Variants in SIRPG observed in about 807,000 individuals in gnomAD.
SIRPG encodes the protein signal-regulatory protein gamma.
SIRPG carries 38 observed loss-of-function variants against 35.7 expected under a neutral mutation model. The observed-to-expected ratio is 1.06, with a 90% CI of 0.82 to 1.40. SIRPG has a LOEUF of 1.40. Ranked by LOEUF, SIRPG falls within the 40% of genes most tolerant of loss-of-function variation. SIRPG has a pLI of 0.00. For missense variants in SIRPG, 519 were observed against 483.0 expected, an observed-to-expected ratio of 1.07 and a Z score of -0.70; for synonymous variants, 215 against 190.4, an observed-to-expected ratio of 1.13 and a Z score of -1.06.
At chr20:1,685,610 T>C in the SIRPG span, among the ~76,000 whole-genome samples, 2 of 152,116 alleles carry the variant, frequency 1.3e-5, no homozygotes, top group Admixed American at 1.3e-4. Flanking sequence ...TGTAGTACTT[T>C]GTTATGCAAG....
chr20:1,638,819 G>A (rs780510232), intron 2 of SIRPG, among the ~76,000 whole-genome samples: 17 of 133,446 alleles, frequency 1.3e-4, no homozygotes, highest in Non-Finnish European at 2.3e-4. Flanking sequence ...CCCTCCCTGC[G>A]TCCATGTGTT....
In SIRPG at chr20:1,649,222, C is replaced by T; in HGVS notation, c.260G>A (p.Arg87Lys). 1 of 1,614,132 alleles carries T rather than the reference C, an allele frequency of 6.2e-7. No individual in the cohort carries two copies. Among genetic ancestry groups the T allele is most frequent in the African/African-American group, 1.3e-5 (1 of 75,020 alleles). The change falls in exon 2 of 6, where the codon AGG becomes AAG. Residue 87 changes from arginine to lysine, a missense_variant. By Grantham distance (26) the Arg-to-Lys change is conservative. Transcript: ENST00000303415. ...IYNQKEGHFP[R>K]VTTVSDLTKR... ...TGTGAGGTCTGAAACTGTTGTTACC[C>T]TGGGGAAGTGGCCTTCTTTTTGATT...
intron 1 of SIRPG, among the ~76,000 whole-genome samples, chr20:1,650,522 A>G (rs2091934144): frequency 6.6e-6 from 1 of 152,192 alleles, no homozygotes; most frequent in Non-Finnish European, 1.5e-5. Context: ...TAAAGCTGCA[A>G]GATGGAATAA....
chr20:1,668,792 G>A, the SIRPG span, among the ~76,000 whole-genome samples: 1 of 152,170 alleles, frequency 6.6e-6, no homozygotes, highest in Non-Finnish European at 1.5e-5. Context: ...AGATCACCCA[G>A]GATGGACTCC....
At chr20:1,648,693 G>C (rs1375645603) in intron 2 of SIRPG, among the ~76,000 whole-genome samples, 3 of 152,148 alleles carry the variant, frequency 2.0e-5, no homozygotes, top group African/African-American at 7.2e-5. Flanking sequence ...CAGCCTGAGA[G>C]AGAAGCGCTC....
chr20:1,678,826 T>C, the SIRPG span, among the ~76,000 whole-genome samples: 30 of 152,300 alleles, frequency 2.0e-4, no homozygotes, highest in African/African-American at 7.0e-4. Context: ...GAAAGAATTC[T>C]GAAAGCAGCA....
intron 4 of SIRPG, 129 bp downstream of exon 4, chr20:1,635,138 G>T: frequency 1.5e-6 from 1 of 684,032 alleles, no homozygotes. Context: ...TGTGGGATTT[G>T]GGGGGATGGA....
chr20:1,681,163 T>C, the SIRPG span, among the ~76,000 whole-genome samples: 17 of 140,942 alleles, frequency 1.2e-4, no homozygotes, highest in East Asian at 5.2e-3. Flanking sequence ...AAAAATCAAT[T>C]TGCAATCATA....
Position 1,636,294 on chromosome 20 carries a change from T to C in SIRPG, c.642A>G (p.Val214=), listed in dbSNP as rs765035280. 1.9e-5 allele frequency: 30 copies of C among 1,614,100 alleles called. No homozygotes were observed. The highest frequency in any genetic ancestry group is 2.5e-5 in the Non-Finnish European group (29 of 1,180,022). The change falls in exon 3 of 6, where the codon GTA becomes GTG. Residue 214 remains valine, a synonymous_variant. Transcript: ENST00000303415. ...AYSIRSTARV[V]LDPWDVRSQV... ...GAGAGCGAACGTCCCAGGGGTCCAG[T>C]ACCACCCTGGCTGTGCTGCGGATGC... is the stretch of plus-strand genomic sequence containing the variant.
the SIRPG span, among the ~76,000 whole-genome samples, chr20:1,669,509 C>T: frequency 5.9e-5 from 9 of 152,300 alleles, no homozygotes; most frequent in South Asian, 6.2e-4. Context: ...CTGATTTTCC[C>T]ACAGCAGATG....
At chr20:1,653,118 C>T (rs1171110928) in intron 1 of SIRPG, among the ~76,000 whole-genome samples, 4 of 152,194 alleles carry the variant, frequency 2.6e-5, no homozygotes, top group Admixed American at 6.5e-5. Context: ...CTTCACACCA[C>T]ATTGCCCACT....
intron 1 of SIRPG, among the ~76,000 whole-genome samples, chr20:1,656,504 C>T (rs1025626217): frequency 6.6e-5 from 10 of 152,198 alleles, no homozygotes; most frequent in African/African-American, 2.4e-4. Flanking sequence ...AAAAGTGAGA[C>T]CTTGCCCTCT....
the SIRPG span, among the ~76,000 whole-genome samples, chr20:1,679,632 T>C: frequency 2.0e-5 from 3 of 152,122 alleles, no homozygotes; most frequent in African/African-American, 7.2e-5. Flanking sequence ...TAGAATAAAT[T>C]GTTCATCTTC....
In SIRPG at chr20:1,649,401, T is replaced by C; in HGVS notation, c.81A>G (p.Ala27=). ...GAATCATCTGTAGCTCCTCCTCACC[T>C]GCCACTTCTGAAAAGGAGCACAAAG... is the stretch of plus-strand genomic sequence containing the variant. The part of the protein sequence containing the change: ...LTLLLGLTEV[A]GEEELQMIQP... Residue 27 remains alanine (A), a synonymous_variant, in exon 2 of 6, where the codon GCA becomes GCG. Transcript: ENST00000303415. The C allele has an allele frequency of 1.2e-6, 2 of 1,601,034 alleles. No individual in the cohort carries two copies. Among genetic ancestry groups the C allele is most frequent in the African/African-American group, 1.3e-5 (1 of 74,600 alleles).
chr20:1,683,757 C>T, the SIRPG span, among the ~76,000 whole-genome samples: 514 of 152,204 alleles, frequency 3.4e-3, 8 homozygotes, highest in Admixed American at 0.024. Flanking sequence ...CACCTGAGGT[C>T]AGGAGTTTGA....
At chr20:1,676,883 C>T in the SIRPG span, 125,041 of 160,580 alleles carry the variant, frequency 0.78, 49,485 homozygotes, top group East Asian at 1. Flanking sequence ...AACTCCTCCT[C>T]AGCTTTCACT....
chr20:1,630,905 T>G (rs771946479), intron 4 of SIRPG: 1 of 152,344 alleles, frequency 6.6e-6, no homozygotes, highest in Non-Finnish European at 1.5e-5. Context: ...GGAGGAGCCA[T>G]GGAACACTGG....
In SIRPG at chr20:1,640,271, C is replaced by T. The variant is rs538582919; in HGVS notation, c.431-3766G>A. 9.9e-5 allele frequency among the ~76,000 whole-genome samples: 15 copies of T among 152,216 alleles called. No individual in the cohort carries two copies. In the Middle Eastern group the frequency reaches 0.014, roughly 138 times the overall value. On this transcript the variant is annotated intron_variant, in intron 2 of 5. Coordinates refer to ENST00000303415, the MANE Select transcript of SIRPG (RefSeq NM_018556.4). ...ATGTTTTTCCATTTTTTTGTGTCCTCTCTTATTTCTTTGAAGCAGTGGTTT... is the reference window on the plus strand; with the variant it reads ...ATGTTTTTCCATTTTTTTGTGTCCTTTCTTATTTCTTTGAAGCAGTGGTTT...
At chr20:1,644,351 C>T (rs1451091123) in intron 2 of SIRPG, among the ~76,000 whole-genome samples, 1 of 152,184 alleles carries the variant, frequency 6.6e-6, no homozygotes, top group Non-Finnish European at 1.5e-5. Flanking sequence ...CGCAGTTTGC[C>T]ACAGCTGGTG....
Sources: allele counts gnomAD v4.1 joint callset (sites outside exome capture counted in the v4.1 genomes callset), GRCh38; gene constraint gnomAD v4.1.1; transcripts MANE v1.5; gene names NCBI Gene and HGNC (gene_info 2026-07-23, HGNC 2026-07-21).